SLC9D1: variants seen among roughly 807,000 people sequenced by gnomAD.
SLC9D1 encodes the protein putative LAG1-interacting protein.
chr13:113,495,805 T>C, the SLC9D1 span: 162 of 1,614,020 alleles, frequency 1.0e-4, no homozygotes, highest in Admixed American at 1.0e-3. Context: ...AAAACTGCAA[T>C]TGGAGCAGTG....
At chr13:113,506,676 G>A in the SLC9D1 span, among the ~76,000 whole-genome samples, 1 of 152,122 alleles carries the variant, frequency 6.6e-6, no homozygotes, top group Non-Finnish European at 1.5e-5. Flanking sequence ...GCGTCAACAA[G>A]GCACTGATCT....
At chr13:113,530,232 C>T in the SLC9D1 span, 1 of 152,110 alleles carries the variant, frequency 6.6e-6, no homozygotes, top group Non-Finnish European at 1.5e-5. Flanking sequence ...GGAGGAAGTG[C>T]TGATGGGTAC....
At chr13:113,499,869 A>T in the SLC9D1 span, 1 of 726,676 alleles carries the variant, frequency 1.4e-6, no homozygotes. Context: ...TGATTGATGT[A>T]TTTTTAACAT....
the SLC9D1 span, among the ~76,000 whole-genome samples, chr13:113,502,464 C>T: frequency 1.4e-4 from 22 of 152,156 alleles, no homozygotes; most frequent in Admixed American, 8.5e-4. Context: ...CCGCCCGCCT[C>T]GGCCTCCAAA....
At chr13:113,497,319 A>G in the SLC9D1 span, among the ~76,000 whole-genome samples, 3 of 139,258 alleles carry the variant, frequency 2.2e-5, no homozygotes, top group Non-Finnish European at 4.6e-5. Flanking sequence ...AGCTGTGTGC[A>G]AGACCTGCAG....
the SLC9D1 span, among the ~76,000 whole-genome samples, chr13:113,525,176 C>T: frequency 3.8e-4 from 58 of 152,322 alleles, no homozygotes; most frequent in Admixed American, 1.4e-3. Flanking sequence ...TAAATAGTCA[C>T]GCGCTGCATA....
At chr13:113,518,240 G>A in the SLC9D1 span, among the ~76,000 whole-genome samples, 4 of 152,078 alleles carry the variant, frequency 2.6e-5, no homozygotes, top group South Asian at 2.1e-4. Flanking sequence ...TCACTACTCC[G>A]AGCACTTGTC....
At chr13:113,508,189 A>G in the SLC9D1 span, among the ~76,000 whole-genome samples, 1 of 152,236 alleles carries the variant, frequency 6.6e-6, no homozygotes, top group Non-Finnish European at 1.5e-5. Flanking sequence ...CACCCTGGTA[A>G]TGACCTCAGA....
At chr13:113,534,316 T>C in the SLC9D1 span, 1 of 1,215,160 alleles carries the variant, frequency 8.2e-7, no homozygotes, top group Non-Finnish European at 1.2e-6. Context: ...ATCCATTCTT[T>C]ACCTTTCCAT....
the SLC9D1 span, chr13:113,524,003 A>G: frequency 5.6e-5 from 23 of 412,976 alleles, no homozygotes; most frequent in African/African-American, 3.1e-4. Flanking sequence ...GTTCTTCTAC[A>G]TTTGTTGAGG....
At chr13:113,549,433 C>G in the SLC9D1 span, 1 of 1,613,968 alleles carries the variant, frequency 6.2e-7, no homozygotes, top group Non-Finnish European at 8.5e-7. Context: ...AGGTGTACCT[C>G]CTTATACTGA....
chr13:113,539,435 G>A, the SLC9D1 span: 1 of 1,613,560 alleles, frequency 6.2e-7, no homozygotes, highest in Non-Finnish European at 8.5e-7. The surrounding 1 kb of genome is among the most constrained non-coding windows in gnomAD (Gnocchi z 4.8). Flanking sequence ...GGGCCCCGTG[G>A]TCACCGAGGA....
chr13:113,537,711 G>T, the SLC9D1 span, among the ~76,000 whole-genome samples: 164 of 152,332 alleles, frequency 1.1e-3, no homozygotes, highest in African/African-American at 3.6e-3. Context: ...TTGTCAGTGA[G>T]CGTTCTGCTG....
At chr13:113,542,400 C>T in the SLC9D1 span, among the ~76,000 whole-genome samples, 5 of 151,878 alleles carry the variant, frequency 3.3e-5, no homozygotes, top group Non-Finnish European at 5.9e-5. Flanking sequence ...GCTTTATTAC[C>T]GCCGAGATGT....
chr13:113,511,582 C>T, the SLC9D1 span, among the ~76,000 whole-genome samples: 25 of 152,338 alleles, frequency 1.6e-4, no homozygotes, highest in African/African-American at 4.8e-4. Flanking sequence ...CCCTGCTAGA[C>T]GCTGGACGGG....
At chr13:113,539,803 A>G in the SLC9D1 span, among the ~76,000 whole-genome samples, 1 of 151,958 alleles carries the variant, frequency 6.6e-6, no homozygotes, top group African/African-American at 2.4e-5. This position sits in a 1 kb window ranked among gnomAD's most constrained non-coding sequence, Gnocchi z 4.8. Context: ...TGGTGTACAG[A>G]TGATTTTGCC....
the SLC9D1 span, among the ~76,000 whole-genome samples, chr13:113,512,339 G>GGAGTGTAGATGGAGAGGGTCA: frequency 1.8e-5 from 2 of 112,112 alleles, no homozygotes; most frequent in Non-Finnish European, 3.6e-5. Flanking sequence ...GGAGAGGGTT[G>GGAGTGTAGATGGAGAGGGTCA]GTGTGTAGAT....
chr13:113,542,537 A>T, the SLC9D1 span, among the ~76,000 whole-genome samples: 2 of 152,252 alleles, frequency 1.3e-5, no homozygotes, highest in African/African-American at 2.4e-5. Context: ...AGGGTCAGCC[A>T]CAGAAACTAA....
chr13:113,494,671 T>TA, the SLC9D1 span, among the ~76,000 whole-genome samples: 2 of 151,334 alleles, frequency 1.3e-5, no homozygotes, highest in Admixed American at 6.6e-5. Flanking sequence ...TATATATATA[T>TA]TTTTAATTCT....
Sources: allele counts gnomAD v4.1 joint callset (sites outside exome capture counted in the v4.1 genomes callset), GRCh38; gene constraint gnomAD v4.1.1; non-coding constraint Gnocchi (gnomAD v3.1); transcripts MANE v1.5; gene names NCBI Gene and HGNC (gene_info 2026-07-23, HGNC 2026-07-21).